The following CPED1 variants were observed in gnomAD, a reference collection of about 807,000 sequenced individuals.
CPED1 encodes cadherin like and PC-esterase domain containing 1.
Under a neutral mutation model 128.2 loss-of-function variants are expected in CPED1, and 114 were observed. The ratio of observed to expected loss-of-function variants is 0.89; its 90% CI spans 0.76 to 1.04. The LOEUF is 1.04. CPED1 is among the 50% of genes least tolerant of loss of function. CPED1 has a pLI of 0.00. For synonymous variants in CPED1, 462 were observed against 426.7 expected, an observed-to-expected ratio of 1.08 and a Z score of -1.02; for missense variants, 1,211 against 1,207.1, an observed-to-expected ratio of 1.00 and a Z score of -0.05.
chr7:121,150,752 CATTATTATTATTATT>C lies in CPED1; in HGVS notation c.2055+8631_2055+8645del, dbSNP rs10617585. ...TCCCACAGCCAAACCGAGTCTAAAA[CATTATTATTATTATT>C]ATTATTATTATTATTATTAGAGATG... is the stretch of plus-strand genomic sequence containing the variant. On this transcript the variant is annotated intron_variant, in intron 16 of 22. Transcript: ENST00000310396. 6.9e-5 allele frequency among the ~76,000 whole-genome samples: 8 copies of C among 116,438 alleles called. No individual in the cohort carries two copies. The South Asian group carries it at 8.2e-4, about 12-fold the overall frequency. The allele number at this position is 116,438 out of a possible 152,430, so 76.4% of individuals were successfully genotyped here.
chr7:120,992,898 G>C (rs1796331870), intron 2 of CPED1, among the ~76,000 whole-genome samples: 1 of 152,128 alleles, frequency 6.6e-6, no homozygotes, highest in Admixed American at 6.5e-5. Context: ...TTTACACATG[G>C]GATCTGGTTC....
At chr7:121,154,937 T>C (rs1412802788) in intron 16 of CPED1, among the ~76,000 whole-genome samples, 1 of 152,244 alleles carries the variant, frequency 6.6e-6, no homozygotes, top group Non-Finnish European at 1.5e-5. Flanking sequence ...TATTGATTTG[T>C]GTTCACAGAT....
Position 121,225,399 on chromosome 7 carries a change from C to A in CPED1, c.2056-11315C>A, listed in dbSNP as rs567670987. 1.6e-4 allele frequency among the ~76,000 whole-genome samples: 24 copies of A among 152,260 alleles called. 1 individual carries two copies. Among genetic ancestry groups the A allele is most frequent in the Admixed American group, 1.4e-3 (22 of 15,304 alleles). On this transcript the variant is annotated intron_variant, in intron 16 of 22. Coordinates refer to ENST00000310396, the MANE Select transcript of CPED1 (RefSeq NM_024913.5). The stretch of plus-strand genomic sequence containing the variant: ...TGGGTAACCTGACCTTTCTCTCTGG[C>A]TGCCCTTAACATTTTTTCCTTCATT...
chr7:121,287,387 G>A (rs1054696950), intron 22 of CPED1, among the ~76,000 whole-genome samples: 1 of 151,980 alleles, frequency 6.6e-6, no homozygotes, highest in African/African-American at 2.4e-5. Flanking sequence ...TCAGTGAAAT[G>A]GTGACTCTCT....
chr7:121,077,242 C>G (rs1204328896), intron 5 of CPED1, among the ~76,000 whole-genome samples: 1 of 152,076 alleles, frequency 6.6e-6, no homozygotes, highest in Admixed American at 6.6e-5. Context: ...ACATGTTCTT[C>G]TTTTTCTTTC....
intron 16 of CPED1, among the ~76,000 whole-genome samples, chr7:121,177,917 C>T (rs1396526086): frequency 6.6e-6 from 1 of 152,038 alleles, no homozygotes; most frequent in East Asian, 1.9e-4. Flanking sequence ...GGATTCTTCC[C>T]TACAGGAAAG....
chr7:121,193,986 G>A (rs1389026821), intron 16 of CPED1, among the ~76,000 whole-genome samples: 1 of 126,928 alleles, frequency 7.9e-6, no homozygotes, highest in Non-Finnish European at 1.6e-5. Context: ...TATTAACATG[G>A]ATGAGCAAGC....
intron 7 of CPED1, among the ~76,000 whole-genome samples, chr7:121,108,784 T>C (rs1277861173): frequency 7.2e-6 from 1 of 138,258 alleles, no homozygotes; most frequent in East Asian, 2.2e-4. Flanking sequence ...ATACAAAATA[T>C]GTCAGGGATG....
intron 22 of CPED1, among the ~76,000 whole-genome samples, chr7:121,289,290 T>A (rs187849799): frequency 6.6e-6 from 1 of 152,330 alleles, no homozygotes; most frequent in South Asian, 2.1e-4. Flanking sequence ...AAACATATTA[T>A]TGTTTCATTT....
chr7:121,171,058 A>T (rs557990852), intron 16 of CPED1, among the ~76,000 whole-genome samples: 3 of 118,022 alleles, frequency 2.5e-5, no homozygotes, highest in East Asian at 6.8e-4. Context: ...TCAAATAAAT[A>T]CATAAAAAAA....
chr7:121,232,312 T>A (rs889768579), intron 16 of CPED1, among the ~76,000 whole-genome samples: 59 of 152,120 alleles, frequency 3.9e-4, no homozygotes, highest in African/African-American at 1.4e-3. Context: ...TTTAGAAGGG[T>A]TTGCTTACCA....
intron 4 of CPED1, among the ~76,000 whole-genome samples, chr7:121,048,057 G>A (rs1793261694): frequency 6.6e-6 from 1 of 152,054 alleles, no homozygotes; most frequent in South Asian, 2.1e-4. Context: ...TACATTTCTG[G>A]CCATTCCTCC....
chr7:121,260,331 A>T (rs1357556872), intron 18 of CPED1, among the ~76,000 whole-genome samples: 1 of 144,466 alleles, frequency 6.9e-6, no homozygotes. Flanking sequence ...TTGGCTGCTC[A>T]TCTACATCCA....
intron 5 of CPED1, among the ~76,000 whole-genome samples, chr7:121,088,721 A>G (rs1325588528): frequency 6.7e-6 from 1 of 148,890 alleles, no homozygotes; most frequent in Non-Finnish European, 1.5e-5. Context: ...CCTGCAAAAG[A>G]AACAGGTTAA....
chr7:121,187,462 T>A (rs1316405300), intron 16 of CPED1, among the ~76,000 whole-genome samples: 1 of 152,102 alleles, frequency 6.6e-6, no homozygotes, highest in African/African-American at 2.4e-5. Context: ...GAGGGTGATA[T>A]ATGAAGAGGA....
intron 7 of CPED1, among the ~76,000 whole-genome samples, chr7:121,104,587 G>C: frequency 6.6e-6 from 1 of 152,110 alleles, no homozygotes; most frequent in East Asian, 1.9e-4. Context: ...TGGCAGAAAA[G>C]CTTGTCCAAA....
intron 3 of CPED1, among the ~76,000 whole-genome samples, chr7:121,039,652 C>T (rs543876041): frequency 1.3e-5 from 2 of 151,930 alleles, no homozygotes; most frequent in Non-Finnish European, 2.9e-5. Flanking sequence ...AAAATGTAAG[C>T]ACGCATACCC....
At chr7:121,121,105 A>T (rs563269080) in intron 7 of CPED1, among the ~76,000 whole-genome samples, 4 of 152,070 alleles carry the variant, frequency 2.6e-5, no homozygotes, top group East Asian at 3.9e-4. Flanking sequence ...TTATGGGAGG[A>T]TGGAGAGAAA....
intron 2 of CPED1, chr7:120,993,901 G>A (rs1482162667): frequency 3.7e-6 from 1 of 269,136 alleles, no homozygotes; most frequent in African/African-American, 2.3e-5. Flanking sequence ...GTATTTGCAG[G>A]TTGAGTTTTT....
Sources: allele counts gnomAD v4.1 joint callset (sites outside exome capture counted in the v4.1 genomes callset), GRCh38; gene constraint gnomAD v4.1.1; transcripts MANE v1.5; gene names NCBI Gene and HGNC (gene_info 2026-07-23, HGNC 2026-07-21).